Variants in EFCAB6 observed in about 807,000 individuals in gnomAD.
EFCAB6 encodes EF-hand calcium binding domain 6, also known as EF-hand calcium-binding domain-containing protein 6.
In EFCAB6, 156 loss-of-function variants were observed where a neutral mutation model predicts 169.8. That is an observed-to-expected ratio of 0.92 (90% CI 0.81 to 1.05). The LOEUF is 1.05. EFCAB6 is among the 50% of genes least tolerant of loss of function. The probability of loss-of-function intolerance (pLI) is 0.00; values close to 1 mark genes in which losing one functional copy is unlikely to be tolerated. For synonymous variants in EFCAB6, 698 were observed against 676.4 expected (o/e 1.03, Z -0.50); for missense variants, 1,800 against 1,829.1 (o/e 0.98, Z 0.29).
In EFCAB6 at chr22:43,789,847, TCACA is replaced by T. The variant is rs34752280; in HGVS notation, c.-7-7526_-7-7523del. The stretch of plus-strand genomic sequence containing the variant: ...CTGAGGCTCCTAAGTTGGCTAACCT[TCACA>T]CACACACACACACACACACACACAC... On this transcript the variant is annotated intron_variant, in intron 2 of 31. Coordinates refer to ENST00000262726, the MANE Select transcript of EFCAB6 (RefSeq NM_022785.4). Among the ~76,000 whole-genome samples, 1,225 of 143,394 alleles carry T rather than the reference TCACA, an allele frequency of 8.5e-3. 18 individuals are homozygous for T. Among genetic ancestry groups the T allele is most frequent in the African/African-American group, 0.029 (1,135 of 38,684 alleles). The allele number at this position is 143,394 out of a possible 152,430, so 94.1% of individuals were successfully genotyped here. A position where few individuals can be genotyped will look rare whatever the true frequency, so the allele number is the denominator to read the frequency against.
At chr22:43,593,586 T>C (rs1358899948) in intron 23 of EFCAB6, among the ~76,000 whole-genome samples, 1 of 152,222 alleles carries the variant, frequency 6.6e-6, no homozygotes, top group African/African-American at 2.4e-5. Context: ...AACTCAATTC[T>C]CTGCTTTCAG....
intron 28 of EFCAB6, among the ~76,000 whole-genome samples, chr22:43,538,272 G>C (rs535779204): frequency 6.9e-4 from 105 of 152,186 alleles, no homozygotes; most frequent in Middle Eastern, 3.4e-3. Context: ...AATCCTGTTG[G>C]CTCTACCTTG....
rs2059166630 is a variant in EFCAB6 at position 43,711,695 on chromosome 22, T to C, written c.883-72A>G. 6 of 1,530,176 alleles carry C rather than the reference T, an allele frequency of 3.9e-6. No individual in the cohort carries two copies. The Admixed American group carries it at 1.5e-4, about 39-fold the overall frequency. The allele number at this position is 1,530,176 out of a possible 1,614,324, so 94.8% of individuals were successfully genotyped here. On this transcript the variant is annotated intron_variant, in intron 9 of 31. Transcript: ENST00000262726. ...CATGGAGCTATTCAACCATTTTATT[T>C]TTACCAAAAACCTCTTCAAATTTTT...
chr22:43,676,626 C>T, intron 13 of EFCAB6, among the ~76,000 whole-genome samples: 1 of 152,036 alleles, frequency 6.6e-6, no homozygotes, highest in East Asian at 1.9e-4. Flanking sequence ...TGTGTAATCA[C>T]AAAACATTTG....
chr22:43,807,693 T>C (rs2062968813), intron 2 of EFCAB6, among the ~76,000 whole-genome samples: 2 of 152,126 alleles, frequency 1.3e-5, no homozygotes, highest in Non-Finnish European at 2.9e-5. Context: ...GGTGTGGAAA[T>C]TATCACTCGA....
chr22:43,649,492 T>C (rs529629330), intron 17 of EFCAB6, among the ~76,000 whole-genome samples: 2 of 152,208 alleles, frequency 1.3e-5, no homozygotes, highest in African/African-American at 4.8e-5. Context: ...AGATAACATG[T>C]TTAAAAATGT....
At chr22:43,602,717 GC>G (rs1318668961) in intron 22 of EFCAB6, among the ~76,000 whole-genome samples, 2 of 151,924 alleles carry the variant, frequency 1.3e-5, no homozygotes, top group Non-Finnish European at 2.9e-5. Flanking sequence ...CTGACAAGCA[GC>G]CCCCAGGGAG....
At chr22:43,616,594 G>T (rs1160984078) in intron 20 of EFCAB6, among the ~76,000 whole-genome samples, 2 of 108,776 alleles carry the variant, frequency 1.8e-5, no homozygotes, top group African/African-American at 3.7e-5. Context: ...AACCTGGGAG[G>T]CGGAGGTTGC....
Position 43,540,153 on chromosome 22 carries a change from C to G in EFCAB6, c.3853G>C (p.Gly1285Arg). The G allele has an allele frequency of 6.2e-7, 1 of 1,614,160 alleles. No individual in the cohort carries two copies. The highest frequency in any genetic ancestry group is 8.5e-7 in the Non-Finnish European group (1 of 1,180,006). ...CAGGGGTGGCTCTGCGACTTTGACC[C>G]TGGTCTCAGCTCCTGAGTGGGCAAT... Reference protein sequence around the residue: ...LSLPTQELRPGSKSQSHPCTP... With the variant: ...LSLPTQELRPRSKSQSHPCTP... Residue 1285 changes from glycine to arginine, a missense_variant, in exon 28 of 32, where the codon GGG becomes CGG. Gly to Arg is a moderately radical substitution (Grantham distance 125). Transcript: ENST00000262726.
chr22:43,571,118 G>A (rs62226973), intron 26 of EFCAB6, among the ~76,000 whole-genome samples: 9,555 of 152,292 alleles, frequency 0.063, 359 homozygotes, highest in Admixed American at 0.097. Flanking sequence ...GTGCTGCTGT[G>A]ACAGGCAGAG....
rs199547776 is a variant in EFCAB6 at position 43,784,511 on chromosome 22, A to G, written c.-7-2186T>C. 2.7e-4 allele frequency among the ~76,000 whole-genome samples: 25 copies of G among 91,392 alleles called. 1 individual carries two copies. The highest frequency in any genetic ancestry group is 3.9e-4 in the South Asian group (1 of 2,546). The allele number at this position is 91,392 out of a possible 152,430, so 60.0% of individuals were successfully genotyped here. A position where few individuals can be genotyped will look rare whatever the true frequency, so the allele number is the denominator to read the frequency against. On this transcript the variant is annotated intron_variant, in intron 2 of 31. Transcript: ENST00000262726. ...ACCAAAAAAAAAAAAAAATATATAT[A>G]TGTGTGTGTGTGTGTGTGTGTGTGT...
At chr22:43,660,768 G>A (rs1195540633) in intron 17 of EFCAB6, among the ~76,000 whole-genome samples, 1 of 152,096 alleles carries the variant, frequency 6.6e-6, no homozygotes, top group Non-Finnish European at 1.5e-5. Flanking sequence ...CTGGTGCTCT[G>A]GCAGCTAGCC....
chr22:43,626,970 T>G (rs1470922775), intron 19 of EFCAB6, among the ~76,000 whole-genome samples: 1 of 152,180 alleles, frequency 6.6e-6, no homozygotes, highest in East Asian at 1.9e-4. Flanking sequence ...CACTCTCGGT[T>G]TGTGGAGCTT....
At chr22:43,719,245 G>A (rs1222715445) in intron 8 of EFCAB6, among the ~76,000 whole-genome samples, 1 of 152,106 alleles carries the variant, frequency 6.6e-6, no homozygotes, top group African/African-American at 2.4e-5. Context: ...CATTCTCCAG[G>A]GCAGCTTGAT....
rs1246800691 is a variant in EFCAB6, at chr22:43,630,159, T to C, written c.2232+1946A>G. 2.6e-5 allele frequency among the ~76,000 whole-genome samples: 4 copies of C among 152,240 alleles called. No homozygotes were observed. In the East Asian group the frequency reaches 5.8e-4, roughly 22 times the overall value. ...ACCAAAAAAATTCAAAAAAAGTGAC[T>C]GTACCATCCCATTAAAAAATTGAGA... On this transcript the variant is annotated intron_variant, in intron 19 of 31. Transcript: ENST00000262726.
chr22:43,573,168 A>AAT (rs1476011173), intron 26 of EFCAB6, among the ~76,000 whole-genome samples: 6 of 152,216 alleles, frequency 3.9e-5, no homozygotes, highest in African/African-American at 1.4e-4. Flanking sequence ...GAGAGACAGG[A>AAT]ATATATGCAG....
At chr22:43,663,306 T>C (rs967341783) in intron 17 of EFCAB6, among the ~76,000 whole-genome samples, 2 of 152,214 alleles carry the variant, frequency 1.3e-5, no homozygotes, top group African/African-American at 4.8e-5. Flanking sequence ...GCCTTTATCA[T>C]CTGGGAGCCT....
In EFCAB6 at chr22:43,534,831, A is replaced by C. The variant is rs148016786; in HGVS notation, c.4090T>G (p.Cys1364Gly). 10 of 1,611,838 alleles carry C rather than the reference A, an allele frequency of 6.2e-6. No individual in the cohort carries two copies. The highest frequency in any genetic ancestry group is 2.2e-5 in the East Asian group (1 of 44,826). The change falls in exon 30 of 32, where the codon TGT becomes GGT. Residue 1364 changes from cysteine to glycine, a missense_variant. Physicochemically the swap from Cys to Gly is radical, Grantham distance 159. Transcript: ENST00000262726. ...TCGTATTTTATAATGAGCTGCTGAC[A>C]CTCCTCTTTGCTTATGTCCAGGTTG... ...KFNLDISKEE[C>G]QQLIIKYDLK...
At chr22:43,798,995 A>G (rs2062608474) in intron 2 of EFCAB6, among the ~76,000 whole-genome samples, 1 of 152,158 alleles carries the variant, frequency 6.6e-6, no homozygotes, top group Non-Finnish European at 1.5e-5. Flanking sequence ...ACCTTTCTAC[A>G]GCACAGGCAT....
Sources: gnomAD v4.1 joint callset for allele counts (sites outside exome capture counted in the v4.1 genomes callset) on GRCh38, gnomAD v4.1.1 for gene constraint, MANE v1.5 for transcripts, NCBI Gene and HGNC (gene_info 2026-07-23, HGNC 2026-07-21) for gene names.